GARIN3: variants seen among roughly 807,000 people sequenced by gnomAD.
The protein encoded by GARIN3 is Golgi-associated RAB2 interactor protein 3.
At chr5:157,162,798 C>T in the GARIN3 span, 276 of 1,614,172 alleles carry the variant, frequency 1.7e-4, 4 homozygotes, top group African/African-American at 3.4e-3. Flanking sequence ...GTCGCTTGCC[C>T]CTTACGTTGC....
At chr5:157,164,235 C>A in the GARIN3 span, among the ~76,000 whole-genome samples, 1 of 150,674 alleles carries the variant, frequency 6.6e-6, no homozygotes, top group Non-Finnish European at 1.5e-5. Context: ...CTGCAATCTC[C>A]GCCTCCCAGG....
the GARIN3 span, chr5:157,162,424 G>A: frequency 1.9e-6 from 3 of 1,603,792 alleles, no homozygotes; most frequent in East Asian, 6.7e-5. Flanking sequence ...AGATCCCTGG[G>A]CGGTTGTAGC....
the GARIN3 span, chr5:157,162,375 G>A: frequency 6.5e-7 from 1 of 1,531,436 alleles, no homozygotes. Context: ...TTGAACTGCA[G>A]TAAAGAAAGC....
the GARIN3 span, chr5:157,163,550 G>A: frequency 3.1e-6 from 5 of 1,614,206 alleles, no homozygotes; most frequent in Non-Finnish European, 4.2e-6. Context: ...TGGGAGGCAT[G>A]TTGGATTCCC....
chr5:157,162,816 T>G, the GARIN3 span: 2 of 1,614,036 alleles, frequency 1.2e-6, no homozygotes, highest in African/African-American at 1.3e-5. Flanking sequence ...TGCTGTACCC[T>G]TTTTCTTTTT....
the GARIN3 span, among the ~76,000 whole-genome samples, chr5:157,164,250 A>G: frequency 4.0e-5 from 6 of 151,290 alleles, no homozygotes; most frequent in Non-Finnish European, 8.8e-5. Context: ...CCCAGGTTCA[A>G]GGGATTCTCC....
At chr5:157,165,414 C>G in the GARIN3 span, 2 of 1,264,312 alleles carry the variant, frequency 1.6e-6, no homozygotes, top group Non-Finnish European at 2.2e-6. Flanking sequence ...GGTAAGTCCC[C>G]TAGTAGTGGC....
chr5:157,164,377 C>T, the GARIN3 span, among the ~76,000 whole-genome samples: 5 of 152,012 alleles, frequency 3.3e-5, no homozygotes, highest in African/African-American at 7.3e-5. Flanking sequence ...GTGTCGATCT[C>T]CTGACCTCTG....
chr5:157,163,188 C>A, the GARIN3 span: 10 of 1,614,006 alleles, frequency 6.2e-6, no homozygotes, highest in Non-Finnish European at 7.6e-6. Context: ...CCCCCGCCAT[C>A]GAGGTGGAAG....
chr5:157,165,522 A>AC, the GARIN3 span: 1 of 1,559,286 alleles, frequency 6.4e-7, no homozygotes, highest in Non-Finnish European at 8.7e-7. Context: ...CTGCTCCCCC[A>AC]AAGAACCTGC....
chr5:157,165,520 C>G, the GARIN3 span: 2 of 1,557,728 alleles, frequency 1.3e-6, no homozygotes, highest in South Asian at 1.2e-5. Flanking sequence ...AACTGCTCCC[C>G]CAAAGAACCT....
At chr5:157,162,088 G>A in the GARIN3 span, 1 of 279,656 alleles carries the variant, frequency 3.6e-6, no homozygotes. Flanking sequence ...GAGGAGAATG[G>A]GCGAGGGGAC....
chr5:157,163,117 C>A, the GARIN3 span: 12 of 1,614,250 alleles, frequency 7.4e-6, no homozygotes, highest in Non-Finnish European at 1.0e-5. Flanking sequence ...TGCACACTTG[C>A]TGGTCGTAAT....
chr5:157,163,229 C>T, the GARIN3 span: 8 of 1,613,858 alleles, frequency 5.0e-6, no homozygotes, highest in South Asian at 6.6e-5. Context: ...GCAGCACCCA[C>T]CAAGGCCAAG....
chr5:157,165,865 A>G, the GARIN3 span: 28 of 1,614,016 alleles, frequency 1.7e-5, no homozygotes, highest in Middle Eastern at 4.9e-4. Context: ...AACCGGCCCC[A>G]TCTGACATGC....
the GARIN3 span, chr5:157,165,870 A>G: frequency 3.1e-6 from 5 of 1,614,106 alleles, no homozygotes; most frequent in East Asian, 4.5e-5. Flanking sequence ...GCCCCATCTG[A>G]CATGCTGTTC....
chr5:157,166,213 C>A, the GARIN3 span: 5 of 1,568,438 alleles, frequency 3.2e-6, no homozygotes, highest in Non-Finnish European at 4.3e-6. Context: ...AAATAGAGTC[C>A]CCGAGAGAGA....
At chr5:157,163,304 G>T in the GARIN3 span, 11 of 1,614,184 alleles carry the variant, frequency 6.8e-6, no homozygotes, top group Non-Finnish European at 9.3e-6. Flanking sequence ...TTTTCTCCTG[G>T]ATTTTTGATA....
the GARIN3 span, chr5:157,162,586 A>G: frequency 1.2e-6 from 2 of 1,614,120 alleles, no homozygotes; most frequent in Non-Finnish European, 1.7e-6. Context: ...CTTAGCCACG[A>G]TATCTACCTC....
Sources: allele counts gnomAD v4.1 joint callset (sites outside exome capture counted in the v4.1 genomes callset), GRCh38; gene constraint gnomAD v4.1.1; transcripts MANE v1.5; gene names NCBI Gene and HGNC (gene_info 2026-07-23, HGNC 2026-07-21).